NRG1: variants seen among roughly 807,000 people sequenced by gnomAD.
NRG1 encodes the protein pro-neuregulin-1, membrane-bound isoform.
In NRG1, 18 loss-of-function variants were observed where a neutral mutation model predicts 63.8. That is an observed-to-expected ratio of 0.28 (90% CI 0.19 to 0.42). NRG1 has a LOEUF of 0.42. Among genes scored for constraint, NRG1 ranks in the 10% least tolerant of loss-of-function variants. The probability of loss-of-function intolerance (pLI) is 1.00; values close to 1 mark genes in which losing one functional copy is unlikely to be tolerated. For synonymous variants in NRG1, 302 were observed against 301.3 expected, an observed-to-expected ratio of 1.00 and a Z score of -0.02; for missense variants, 762 against 814.7, an observed-to-expected ratio of 0.94 and a Z score of 0.79.
chr8:31,679,066 C>G (rs1808044615), intron 1 of NRG1, among the ~76,000 whole-genome samples: 1 of 151,936 alleles, frequency 6.6e-6, no homozygotes, highest in Admixed American at 6.6e-5. Context: ...TTGCAGTACT[C>G]TATATTTCCT....
intron 1 of NRG1, among the ~76,000 whole-genome samples, chr8:31,873,688 G>A (rs567184713): frequency 2.0e-5 from 3 of 152,324 alleles, no homozygotes; most frequent in South Asian, 2.1e-4. Context: ...TAAAAGACTA[G>A]CAGGTACTCA....
chr8:32,720,538 G>C (rs1343316588), intron 5 of NRG1, among the ~76,000 whole-genome samples: 1 of 152,130 alleles, frequency 6.6e-6, no homozygotes, highest in Non-Finnish European at 1.5e-5. Flanking sequence ...ATATAAAACT[G>C]TCAGTGATTA....
At chr8:32,074,978 C>CT (rs937496474) in intron 1 of NRG1, among the ~76,000 whole-genome samples, 5 of 152,222 alleles carry the variant, frequency 3.3e-5, no homozygotes, top group African/African-American at 4.8e-5. Context: ...AAATAGGCTA[C>CT]TTTTTTGTGG....
rs115418376 is a variant in NRG1 at position 31,858,889 on chromosome 8, A to T, written c.37+219458A>T. ...TGCCATATTCACCTGATCTCTCGCG[A>T]ACTGACTCCCACTTCCTCAAGCATC... On this transcript the variant is annotated intron_variant, in intron 1 of 10. Coordinates refer to the NRG1 transcript ENST00000519301. 2.4e-3 allele frequency among the ~76,000 whole-genome samples: 371 copies of T among 152,272 alleles called. 1 individual carries two copies. Among genetic ancestry groups the T allele is most frequent in the African/African-American group, 8.6e-3 (358 of 41,556 alleles).
chr8:32,455,500 C>T (rs1018576093), intron 1 of NRG1, among the ~76,000 whole-genome samples: 1 of 152,200 alleles, frequency 6.6e-6, no homozygotes, highest in Admixed American at 6.5e-5. Flanking sequence ...TGACCCATTA[C>T]TGCTAATTCA....
chr8:31,657,509 A>C (rs1433731265), intron 1 of NRG1, among the ~76,000 whole-genome samples: 1 of 152,122 alleles, frequency 6.6e-6, no homozygotes, highest in African/African-American at 2.4e-5. Context: ...CAGAGATGAT[A>C]GTTCATGTGG....
intron 1 of NRG1, among the ~76,000 whole-genome samples, chr8:32,396,969 C>A (rs981089727): frequency 6.6e-6 from 1 of 152,134 alleles, no homozygotes; most frequent in Non-Finnish European, 1.5e-5. Context: ...TAGCCTCTAT[C>A]CATTTCCCAA....
At chr8:31,752,358 G>T (rs1242781570) in intron 1 of NRG1, among the ~76,000 whole-genome samples, 1 of 152,032 alleles carries the variant, frequency 6.6e-6, no homozygotes, top group East Asian at 1.9e-4. Context: ...GGTGTGATGA[G>T]AATGCATTAA....
At chr8:32,200,014 G>A (rs1843344188) in intron 1 of NRG1, among the ~76,000 whole-genome samples, 1 of 152,126 alleles carries the variant, frequency 6.6e-6, no homozygotes, top group African/African-American at 2.4e-5. Context: ...CCTGACCTCA[G>A]ATGATCTGCC....
intron 1 of NRG1, among the ~76,000 whole-genome samples, chr8:32,471,235 T>C (rs1278083209): frequency 6.6e-6 from 1 of 152,270 alleles, no homozygotes; most frequent in African/African-American, 2.4e-5. Flanking sequence ...TGTTCAGTTA[T>C]CTGTTTCAAC....
rs147761930 is a variant in NRG1, at chr8:32,681,182, T to C, written c.503-46767T>C. Among the ~76,000 whole-genome samples the C allele has an allele frequency of 4.8e-3, 738 of 152,298 alleles. 6 individuals are homozygous for C. Among genetic ancestry groups the C allele is most frequent in the African/African-American group, 0.017 (691 of 41,566 alleles). ...ATTATGGATACTGATGAAAGTTTTCTGGTAATCTGCAAAATAGATTTTATA... is the reference window on the plus strand; with the variant it reads ...ATTATGGATACTGATGAAAGTTTTCCGGTAATCTGCAAAATAGATTTTATA... On this transcript the variant is annotated intron_variant, in intron 5 of 11. Coordinates refer to ENST00000356819, the Ensembl canonical transcript of NRG1.
chr8:32,336,695 C>T (rs1472648250), intron 1 of NRG1, among the ~76,000 whole-genome samples: 4 of 152,104 alleles, frequency 2.6e-5, no homozygotes, highest in South Asian at 4.1e-4. Context: ...CTGCAACCTC[C>T]GCCTCCCAGG....
intron 1 of NRG1, among the ~76,000 whole-genome samples, chr8:32,406,123 C>T (rs1813937681): frequency 6.6e-6 from 1 of 152,178 alleles, no homozygotes; most frequent in Non-Finnish European, 1.5e-5. Flanking sequence ...AACTTACTGG[C>T]TCCATGTTCA....
intron 1 of NRG1, among the ~76,000 whole-genome samples, chr8:31,970,905 G>A (rs755946434): frequency 2.0e-5 from 3 of 152,040 alleles, no homozygotes; most frequent in Non-Finnish European, 4.4e-5. Context: ...AACAACTTGC[G>A]CGGTGGCGGG....
chr8:31,968,377 T>G (rs1806717795), intron 1 of NRG1, among the ~76,000 whole-genome samples: 1 of 152,208 alleles, frequency 6.6e-6, no homozygotes, highest in African/African-American at 2.4e-5. Flanking sequence ...AAGTCTGCTT[T>G]GTATTTGCCA....
At chr8:31,962,623 A>G (rs901370435) in intron 1 of NRG1, among the ~76,000 whole-genome samples, 2 of 152,154 alleles carry the variant, frequency 1.3e-5, no homozygotes, top group African/African-American at 4.8e-5. Context: ...GCTGTCATTT[A>G]ATGTCCAAAT....
At chr8:32,290,077 C>CA (rs1362987438) in intron 1 of NRG1, among the ~76,000 whole-genome samples, 3 of 151,968 alleles carry the variant, frequency 2.0e-5, no homozygotes, top group African/African-American at 7.3e-5. Context: ...CCTGTCTCTA[C>CA]AAAAAATACA....
At chr8:31,879,005 A>G (rs1325057429) in intron 1 of NRG1, among the ~76,000 whole-genome samples, 1 of 152,142 alleles carries the variant, frequency 6.6e-6, no homozygotes, top group Non-Finnish European at 1.5e-5. Flanking sequence ...ATCTCAAGAA[A>G]AAAAAAACAA....
intron 1 of NRG1, among the ~76,000 whole-genome samples, chr8:32,321,419 G>C (rs1008059606): frequency 1.3e-5 from 2 of 150,830 alleles, no homozygotes; most frequent in African/African-American, 4.9e-5. Context: ...ATACTCTTTG[G>C]TCTTGTCGAC....
Sources: gnomAD v4.1 joint callset for allele counts (sites outside exome capture counted in the v4.1 genomes callset) on GRCh38, gnomAD v4.1.1 for gene constraint, MANE v1.5 for transcripts, NCBI Gene and HGNC (gene_info 2026-07-23, HGNC 2026-07-21) for gene names.